Variants in HTT observed in about 807,000 individuals in gnomAD.
HTT encodes huntingtin, also known as huntington disease protein.
HTT carries 104 observed loss-of-function variants against 362.3 expected under a neutral mutation model. That is an observed-to-expected ratio of 0.29 (90% CI 0.24 to 0.34). The LOEUF (loss-of-function observed/expected upper bound fraction) is 0.34, where lower values mean the gene tolerates loss of function less well. Among genes scored for constraint, HTT ranks in the 10% least tolerant of loss-of-function variants. HTT has a pLI of 1.00. For missense variants in HTT, 3,301 were observed against 3,928.6 expected (o/e 0.84, Z 4.27); for synonymous variants, 1,577 against 1,548.7 (o/e 1.02, Z -0.43).
intron 36 of HTT, among the ~76,000 whole-genome samples, chr4:3,180,962 C>T (rs778793516): frequency 6.6e-6 from 1 of 151,584 alleles, no homozygotes; most frequent in African/African-American, 2.4e-5. Flanking sequence ...TTGCAAGCTC[C>T]ACCTCCCGGG....
chr4:3,154,211 A>G (rs1717034126), intron 26 of HTT, 82 bp from the exon 27 acceptor site: 1 of 1,196,814 alleles, frequency 8.4e-7, no homozygotes, highest in Admixed American at 2.5e-5. Flanking sequence ...TGGTAAAACC[A>G]AATATTCTAA....
intron 2 of HTT, among the ~76,000 whole-genome samples, chr4:3,089,495 C>T (rs569391486): frequency 6.2e-4 from 94 of 152,278 alleles, no homozygotes; most frequent in African/African-American, 2.0e-3. Flanking sequence ...CCTCGTGATC[C>T]GCCCGCCTCG....
At chr4:3,173,455 T>C (rs2110232728) in intron 31 of HTT, among the ~76,000 whole-genome samples, 1 of 152,202 alleles carries the variant, frequency 6.6e-6, no homozygotes, top group Middle Eastern at 3.4e-3. Flanking sequence ...AGAATGCAGT[T>C]CATAATGTCC....
Position 3,181,102 on chromosome 4 carries a change from G to A in HTT, c.4749+451G>A, listed in dbSNP as rs529597587. On this transcript the variant is annotated intron_variant, in intron 36 of 66. Coordinates refer to ENST00000355072, the MANE Select transcript of HTT (RefSeq NM_001388492.1). The stretch of plus-strand genomic sequence containing the variant: ...TTCACCATGATGGCCAAGCTGTTTC[G>A]AACTCCTGACCTCAAGTGATCCTCC... Among the ~76,000 whole-genome samples, 11 of 151,122 alleles carry A rather than the reference G, an allele frequency of 7.3e-5. No individual in the cohort carries two copies. The East Asian group carries it at 1.8e-3, about 24-fold the overall frequency.
At chr4:3,227,979 C>T (rs1720999988) in intron 57 of HTT, among the ~76,000 whole-genome samples, 1 of 152,196 alleles carries the variant, frequency 6.6e-6, no homozygotes, top group African/African-American at 2.4e-5. Context: ...ACTCCTCGCC[C>T]ACTCCCTGCA....
intron 2 of HTT, among the ~76,000 whole-genome samples, chr4:3,089,496 GC>G (rs2110144675): frequency 6.6e-6 from 1 of 152,212 alleles, no homozygotes; most frequent in East Asian, 1.9e-4. Flanking sequence ...CTCGTGATCC[GC>G]CCGCCTCGGC....
At chr4:3,168,814 C>A (rs1717831946) in intron 29 of HTT, among the ~76,000 whole-genome samples, 1 of 152,070 alleles carries the variant, frequency 6.6e-6, no homozygotes, top group African/African-American at 2.4e-5. Flanking sequence ...GAGGTTGAGG[C>A]TGCAAAGAGC....
intron 12 of HTT, 164 bp from the exon 13 acceptor site, chr4:3,129,760 C>T (rs887828258): frequency 2.8e-6 from 2 of 721,640 alleles, no homozygotes; most frequent in Non-Finnish European, 2.3e-6. Context: ...AAGCTCTTAG[C>T]AGTTTCCATG....
Position 3,132,651 on chromosome 4 carries a change from A to G in HTT, c.2326A>G (p.Ile776Val). The G allele has an allele frequency of 6.2e-7, 1 of 1,614,144 alleles. No homozygotes were observed. The highest frequency in any genetic ancestry group is 1.1e-5 in the South Asian group (1 of 91,086). The change falls in exon 17 of 67, where the codon ATC becomes GTC. Residue 776 changes from isoleucine to valine, a missense_variant. By Grantham distance (29) the Ile-to-Val change is conservative. Around this residue, in one of 4 missense-constraint regions of HTT, gnomAD observed 2,316 missense variants for 2,658.5 expected, o/e 0.87. Coordinates refer to ENST00000355072, the MANE Select transcript of HTT (RefSeq NM_001388492.1). Reference sequence around the variant, plus strand: ...CACTGCCATTCTCTGTGGGACCCTCATCTGCTCCATCCTCAGCAGGTCCCG... The same window carrying G: ...CACTGCCATTCTCTGTGGGACCCTCGTCTGCTCCATCCTCAGCAGGTCCCG... ...GATAILCGTLICSILSRSRFH... is the reference protein window; with the variant it reads ...GATAILCGTLVCSILSRSRFH...
Position 3,237,925 on chromosome 4 carries a change from G to A in HTT, c.8892-522G>A, listed in dbSNP as rs961974236. ...AAGTCCTGGTTGACAACAGTGCCACGAAGCGTTAGAACACATAGGGATGTT... is the reference window on the plus strand; with the variant it reads ...AAGTCCTGGTTGACAACAGTGCCACAAAGCGTTAGAACACATAGGGATGTT... On this transcript the variant is annotated intron_variant, in intron 64 of 66. Coordinates refer to ENST00000355072, the MANE Select transcript of HTT (RefSeq NM_001388492.1). Among the ~76,000 whole-genome samples, 4 of 152,216 alleles carry A rather than the reference G, an allele frequency of 2.6e-5. No homozygotes were observed. In the East Asian group the frequency reaches 5.8e-4, roughly 22 times the overall value.
intron 21 of HTT, among the ~76,000 whole-genome samples, 162 bp from the exon 22 acceptor site, chr4:3,140,348 C>T (rs1347032726): frequency 4.6e-5 from 7 of 151,926 alleles, no homozygotes; most frequent in South Asian, 2.1e-4. Context: ...TTGGAGACAA[C>T]GCTGTCACGT....
chr4:3,090,780 A>T (rs1239232366), intron 2 of HTT, among the ~76,000 whole-genome samples: 3 of 152,252 alleles, frequency 2.0e-5, no homozygotes, highest in Admixed American at 2.0e-4. Flanking sequence ...GAACTTGTTC[A>T]CTGCAAGAAT....
intron 34 of HTT, 107 bp from the exon 35 acceptor site, chr4:3,178,191 G>T (rs1718326109): frequency 2.4e-6 from 2 of 846,384 alleles, no homozygotes; most frequent in Admixed American, 4.3e-5. Flanking sequence ...CTGTTAGCTT[G>T]ATGTGTGCTT....
intron 49 of HTT, chr4:3,212,921 A>G: frequency 1.8e-6 from 1 of 562,214 alleles, no homozygotes. Flanking sequence ...CTGTGAGGTC[A>G]GCCAGGTCCC....
chr4:3,208,774 C>T lies in HTT; in HGVS notation c.6154C>T (p.His2052Tyr). The part of the protein sequence containing the change: ...YLQSSGLAQR[H>Y]QRLYSLLDRF... ...ATTTCATTTTTATTTGTATTTTAGA[C>T]ACCAAAGGCTCTATTCCCTGCTGGA... The change falls in exon 46 of 67, where the codon CAC becomes TAC. Residue 2052 changes from histidine (H) to tyrosine (Y), a missense_variant and splice_region_variant. By Grantham distance (83) the His-to-Tyr change is moderately conservative (BLOSUM62 2). Transcript: ENST00000355072. 1 of 1,589,476 alleles carries T rather than the reference C, an allele frequency of 6.3e-7. No homozygotes were observed. The highest frequency in any genetic ancestry group is 2.3e-5 in the East Asian group (1 of 44,434).
chr4:3,118,941 C>T (rs1183162510), intron 8 of HTT, among the ~76,000 whole-genome samples: 1 of 152,156 alleles, frequency 6.6e-6, no homozygotes, highest in Non-Finnish European at 1.5e-5. Flanking sequence ...GTTTGGCTAA[C>T]CATATTTAAT....
chr4:3,148,298 T>A, intron 26 of HTT, 91 bp downstream of exon 26: 1 of 984,562 alleles, frequency 1.0e-6, no homozygotes, highest in Non-Finnish European at 1.5e-6. Flanking sequence ...CCTTCTTTAT[T>A]CTCTTTTTGC....
chr4:3,078,844 C>G (rs979780125), intron 1 of HTT, among the ~76,000 whole-genome samples: 3 of 152,082 alleles, frequency 2.0e-5, no homozygotes, highest in African/African-American at 7.2e-5. Context: ...ACGCCATTCT[C>G]CTGCCTCAGT....
At chr4:3,136,005 C>G (rs778637120) in intron 20 of HTT, 38 bp downstream of exon 20, 7 of 1,438,942 alleles carry the variant, frequency 4.9e-6, no homozygotes, top group African/African-American at 1.4e-5. Flanking sequence ...GTTTTACCTT[C>G]AAGAAGGTGA....
Sources: gnomAD v4.1 joint callset for allele counts (sites outside exome capture counted in the v4.1 genomes callset) on GRCh38, gnomAD v4.1.1 for gene constraint, gnomAD v4.1.1 regional missense constraint, MANE v1.5 for transcripts, NCBI Gene and HGNC (gene_info 2026-07-23, HGNC 2026-07-21) for gene names.